Variants in IQCJ observed in about 807,000 individuals in gnomAD.
The protein encoded by IQCJ is IQ domain-containing protein J.
IQCJ carries 9 observed loss-of-function variants against 11.0 expected under a neutral mutation model. That is an observed-to-expected ratio of 0.82 (90% confidence interval 0.49 to 1.43). The LOEUF is 1.43. IQCJ is among the 40% of genes most tolerant of loss of function. The probability of loss-of-function intolerance (pLI) is 0.00; values close to 1 mark genes in which losing one functional copy is unlikely to be tolerated. For synonymous variants in IQCJ, 55 were observed against 51.3 expected (o/e 1.07, Z -0.31); for missense variants, 146 against 133.2 (o/e 1.10, Z -0.47).
intron 1 of IQCJ, among the ~76,000 whole-genome samples, chr3:159,193,887 T>TG (rs1723833945): frequency 6.6e-6 from 1 of 152,168 alleles, no homozygotes; most frequent in African/African-American, 2.4e-5. Context: ...TCTACCACCA[T>TG]GGATATTTTG....
At chr3:159,205,649 A>C (rs1724615863) in intron 1 of IQCJ, among the ~76,000 whole-genome samples, 1 of 152,220 alleles carries the variant, frequency 6.6e-6, no homozygotes, top group South Asian at 2.1e-4. Flanking sequence ...ACAGCAGCTG[A>C]AGGCAAAGGC....
At chr3:159,103,149 T>C (rs1718034153) in intron 1 of IQCJ, among the ~76,000 whole-genome samples, 1 of 152,202 alleles carries the variant, frequency 6.6e-6, no homozygotes, top group Admixed American at 6.5e-5. Flanking sequence ...TTATCCACTT[T>C]CATTCACAAA....
At chr3:159,191,610 G>A (rs1481284919) in intron 1 of IQCJ, among the ~76,000 whole-genome samples, 1 of 152,162 alleles carries the variant, frequency 6.6e-6, no homozygotes, top group Non-Finnish European at 1.5e-5. Context: ...TTCATGCAGA[G>A]GGTTAGCCAA....
At chr3:159,163,674 A>G (rs534691872) in intron 1 of IQCJ, among the ~76,000 whole-genome samples, 1 of 152,102 alleles carries the variant, frequency 6.6e-6, no homozygotes, top group Admixed American at 6.5e-5. Context: ...CTCATTTTTC[A>G]TGTATTATCT....
rs73027615 is a variant in IQCJ, at chr3:159,112,119, A to G, written c.9+42678A>G. The stretch of plus-strand genomic sequence containing the variant: ...CATAGGCACTCAATAAATCCTCATG[A>G]TATGAGGACAGCCCTTGGGTCTTGC... On this transcript the variant is annotated intron_variant, in intron 1 of 3. Transcript: ENST00000397832. 7.0e-3 allele frequency among the ~76,000 whole-genome samples: 1,073 copies of G among 152,258 alleles called. 11 individuals are homozygous for G. The highest frequency in any genetic ancestry group is 0.024 in the African/African-American group (1,017 of 41,538).
intron 1 of IQCJ, among the ~76,000 whole-genome samples, chr3:159,113,194 T>C (rs1718740925): frequency 6.6e-6 from 1 of 152,246 alleles, no homozygotes; most frequent in Non-Finnish European, 1.5e-5. Flanking sequence ...TATTGTGAAG[T>C]ATAGTCTTAG....
At position 159,222,846 on chromosome 3, in the gene IQCJ, C is replaced by T. The variant is rs563072797; in HGVS notation, c.10-22997C>T. Among the ~76,000 whole-genome samples, 5 of 152,018 alleles carry T rather than the reference C, an allele frequency of 3.3e-5. No individual in the cohort carries two copies. The South Asian group carries it at 6.2e-4, about 19-fold the overall frequency. ...TAAAAAATTTTCTATAAACAGCGAC[C>T]TCTGTATGTACCTGAGATTACCAAC... On this transcript the variant is annotated intron_variant, in intron 1 of 3. Coordinates refer to ENST00000397832, the MANE Select transcript of IQCJ (RefSeq NM_001042706.3).
At chr3:159,084,257 A>T (rs1716543027) in intron 1 of IQCJ, among the ~76,000 whole-genome samples, 1 of 151,820 alleles carries the variant, frequency 6.6e-6, no homozygotes, top group Non-Finnish European at 1.5e-5. Flanking sequence ...AGTAAAAAAA[A>T]AAATAGGGAG....
downstream of IQCJ, among the ~76,000 whole-genome samples, chr3:159,264,420 T>G (rs946603622): frequency 3.3e-5 from 5 of 152,220 alleles, no homozygotes. Flanking sequence ...TTTATTTAAT[T>G]TAGCTTAGCC....
chr3:159,157,818 A>G (rs1721611731), intron 1 of IQCJ, among the ~76,000 whole-genome samples: 1 of 152,194 alleles, frequency 6.6e-6, no homozygotes. Context: ...CGCCTACATT[A>G]TTGTGCATGT....
At chr3:159,157,451 A>C (rs1721586416) in intron 1 of IQCJ, among the ~76,000 whole-genome samples, 1 of 152,196 alleles carries the variant, frequency 6.6e-6, no homozygotes, top group Non-Finnish European at 1.5e-5. Context: ...GTTTCTGGTC[A>C]GTGGAAGCCT....
intron 1 of IQCJ, among the ~76,000 whole-genome samples, chr3:159,203,629 G>A (rs1344653947): frequency 2.6e-5 from 4 of 152,080 alleles, no homozygotes; most frequent in African/African-American, 9.7e-5. Flanking sequence ...AGAAAGACAG[G>A]GGAGGAGGTG....
chr3:159,142,641 C>A (rs1183950783), intron 1 of IQCJ, among the ~76,000 whole-genome samples: 1 of 152,174 alleles, frequency 6.6e-6, no homozygotes, highest in Non-Finnish European at 1.5e-5. Context: ...TGGTCTCGAA[C>A]TCCTGACGTC....
intron 1 of IQCJ, among the ~76,000 whole-genome samples, chr3:159,105,432 T>C (rs1261214327): frequency 6.6e-6 from 1 of 152,118 alleles, no homozygotes; most frequent in Non-Finnish European, 1.5e-5. Context: ...GAGCATCTAC[T>C]ACATCCTGGG....
chr3:159,262,956 G>C lies in IQCJ; in HGVS notation c.*225G>C, dbSNP rs2621309. On this transcript the variant is annotated 3_prime_UTR_variant, in exon 4 of 4. Coordinates refer to ENST00000397832, the MANE Select transcript of IQCJ (RefSeq NM_001042706.3). ...TCTCTATTATGGAGGTATCTTTTTT[G>C]CTTTTCTTTATAATAGCATATTTCT... 0.74 allele frequency: 928,010 copies of C among 1,258,296 alleles called. 345,861 individuals are homozygous for C. The highest frequency in any genetic ancestry group is 0.77 in the Non-Finnish European group (765,622 of 998,408). The allele number at this position is 1,258,296 out of a possible 1,614,324, so 77.9% of individuals were successfully genotyped here. A position where few individuals can be genotyped will look rare whatever the true frequency, so the allele number is the denominator to read the frequency against.
chr3:159,249,898 T>C (rs1727493847), intron 2 of IQCJ, among the ~76,000 whole-genome samples: 1 of 59,066 alleles, frequency 1.7e-5, no homozygotes, highest in Non-Finnish European at 3.7e-5. Context: ...CAAGTGCATT[T>C]GTGTACACAC....
intron 1 of IQCJ, among the ~76,000 whole-genome samples, chr3:159,236,722 G>C (rs1490378817): frequency 6.6e-6 from 1 of 152,174 alleles, no homozygotes; most frequent in Non-Finnish European, 1.5e-5. Flanking sequence ...CTGTTGCAAA[G>C]AGCAATAATC....
chr3:159,217,266 A>G (rs1212614543), intron 1 of IQCJ, among the ~76,000 whole-genome samples: 1 of 152,174 alleles, frequency 6.6e-6, no homozygotes, highest in Non-Finnish European at 1.5e-5. Flanking sequence ...GAAATTTTGC[A>G]CTATAGCACT....
chr3:159,115,119 A>G (rs537661250), intron 1 of IQCJ, among the ~76,000 whole-genome samples: 3 of 152,330 alleles, frequency 2.0e-5, no homozygotes, highest in African/African-American at 7.2e-5. Flanking sequence ...TATTAGTTTG[A>G]GTAGGAAAGT....
Sources: gnomAD v4.1 joint callset for allele counts (sites outside exome capture counted in the v4.1 genomes callset) on GRCh38, gnomAD v4.1.1 for gene constraint, MANE v1.5 for transcripts, NCBI Gene and HGNC (gene_info 2026-07-23, HGNC 2026-07-21) for gene names.